The following SSUH2 variants were observed in gnomAD, a reference collection of about 807,000 sequenced individuals.
SSUH2 encodes the protein ssu-2 homolog.
SSUH2 carries 47 observed loss-of-function variants against 55.3 expected under a neutral mutation model. That is an observed-to-expected ratio of 0.85 (90% CI 0.67 to 1.08). SSUH2 has a LOEUF of 1.08. Among genes scored for constraint, SSUH2 ranks in the 50% least tolerant of loss-of-function variants. The probability of loss-of-function intolerance (pLI) is 0.00; values close to 1 mark genes in which losing one functional copy is unlikely to be tolerated. For synonymous variants in SSUH2, 212 were observed against 191.5 expected, an observed-to-expected ratio of 1.11 and a Z score of -0.89; for missense variants, 535 against 490.7, an observed-to-expected ratio of 1.09 and a Z score of -0.85.
chr3:8,672,097 C>G (rs982264097), intron 3 of SSUH2: 1 of 152,082 alleles, frequency 6.6e-6, no homozygotes, highest in African/African-American at 2.4e-5. Context: ...GGTGTAGTAT[C>G]GTCCTCTCCC....
chr3:8,668,827 A>C (rs919309185), intron 5 of SSUH2, among the ~76,000 whole-genome samples: 2 of 152,212 alleles, frequency 1.3e-5, no homozygotes, highest in African/African-American at 4.8e-5. Flanking sequence ...AAAAAAAAGA[A>C]ACAGTTCCAC....
At chr3:8,629,633 C>CTGACTAACCAGTGGTTCACAGA in intron 7 of SSUH2, 31 bp downstream of exon 7, 3 of 1,587,726 alleles carry the variant, frequency 1.9e-6, no homozygotes, top group Non-Finnish European at 2.6e-6. Context: ...CACACCCTCA[C>CTGACTAACCAGTGGTTCACAGA]TGACTCACCA....
chr3:8,681,082 A>AGG (rs200530792), intron 1 of SSUH2, among the ~76,000 whole-genome samples: 1 of 99,466 alleles, frequency 1.0e-5, no homozygotes, highest in Non-Finnish European at 2.4e-5. Context: ...CTTCCATAGC[A>AGG]GGGGGGAGAG....
intron 1 of SSUH2, among the ~76,000 whole-genome samples, chr3:8,641,227 C>T (rs1043627084): frequency 6.6e-6 from 1 of 152,252 alleles, no homozygotes; most frequent in African/African-American, 2.4e-5. Context: ...TCTTAAGAAT[C>T]CTTTGTAAAA....
rs58363364 is a variant in SSUH2 at position 8,619,504 on chromosome 3, T to C, written c.*364A>G. ...ACTCAGATCGTCAAGAGGCTCCCAC[T>C]AGAAGAAGCACACCAGAACCAAGAC... On this transcript the variant is annotated 3_prime_UTR_variant, in exon 12 of 12. Transcript: ENST00000544814. 0.01 allele frequency: 2,117 copies of C among 203,882 alleles called. 46 individuals are homozygous for C. Among genetic ancestry groups the C allele is most frequent in the African/African-American group, 0.046 (1,987 of 43,100 alleles). The allele number at this position is 203,882 out of a possible 1,614,324, so 12.6% of individuals were successfully genotyped here.
In SSUH2 at chr3:8,678,990, C is replaced by T. The variant is rs1374389741; in HGVS notation, c.-901+715G>A. Among the ~76,000 whole-genome samples, 345 of 101,270 alleles carry T rather than the reference C, an allele frequency of 3.4e-3. 8 individuals carry two copies. The highest frequency in any genetic ancestry group is 5.4e-3 in the Non-Finnish European group (231 of 42,678). The allele number at this position is 101,270 out of a possible 152,430, so 66.4% of individuals were successfully genotyped here. ...TCGCAGGGCGGAGAGTCACCCCCCG[C>T]GAGGTGGGGACTGAGAGCCAGCCCC... On this transcript the variant is annotated intron_variant, in intron 2 of 18. Transcript: ENST00000317371.
At chr3:8,645,538 G>C (rs1460686438), upstream of SSUH2, among the ~76,000 whole-genome samples, 1 of 152,168 alleles carries the variant, frequency 6.6e-6, no homozygotes, top group Non-Finnish European at 1.5e-5. Context: ...GAACTTGTGA[G>C]CTGGTCCCCG....
rs778989816 is a variant in SSUH2, at chr3:8,644,720, G to A, written c.28+11C>T. On this transcript the variant is annotated intron_variant, in intron 1 of 11. Coordinates refer to ENST00000544814, the MANE Select transcript of SSUH2 (RefSeq NM_001256748.3). Reference sequence around the variant, plus strand: ...CACAGTCTTCCGTGCCATCTTTGAGGCTCTACTTACTGTCATCTTCATTCA... The same window carrying A: ...CACAGTCTTCCGTGCCATCTTTGAGACTCTACTTACTGTCATCTTCATTCA... 5 of 1,535,548 alleles carry A rather than the reference G, an allele frequency of 3.3e-6. No individual in the cohort carries two copies. The highest frequency in any genetic ancestry group is 3.3e-4 in the Middle Eastern group (2 of 5,988).
chr3:8,638,569 C>A (rs571282151), intron 1 of SSUH2, among the ~76,000 whole-genome samples: 1 of 152,302 alleles, frequency 6.6e-6, no homozygotes, highest in Admixed American at 6.5e-5. Context: ...AGGCTCTCTG[C>A]ATGATGTGAC....
Position 8,619,845 on chromosome 3 carries a change from G to A in SSUH2, c.*23C>T. ...CTTCCTTGGCAAACGTGAATGGCAG[G>A]CTCTGGGGACAGCCATGCTATGTCA... is the stretch of plus-strand genomic sequence containing the variant. On this transcript the variant is annotated 3_prime_UTR_variant, in exon 12 of 12. Coordinates refer to ENST00000544814, the MANE Select transcript of SSUH2 (RefSeq NM_001256748.3). 1 of 1,610,004 alleles carries A rather than the reference G, an allele frequency of 6.2e-7. No individual in the cohort carries two copies. The highest frequency in any genetic ancestry group is 8.5e-7 in the Non-Finnish European group (1 of 1,178,028).
intron 6 of SSUH2, chr3:8,659,534 A>C: frequency 3.3e-6 from 1 of 303,350 alleles, no homozygotes; most frequent in South Asian, 3.0e-5. Flanking sequence ...ACCTCAGCAG[A>C]GGGGGCCTTT....
At chr3:8,656,003 T>C (rs1702899564) in intron 7 of SSUH2, among the ~76,000 whole-genome samples, 1 of 152,242 alleles carries the variant, frequency 6.6e-6, no homozygotes, top group East Asian at 1.9e-4. Context: ...AAGCCTGTGC[T>C]GCTATGAAAA....
intron 3 of SSUH2, chr3:8,634,340 C>G: frequency 7.9e-7 from 1 of 1,264,540 alleles, no homozygotes; most frequent in Non-Finnish European, 1.0e-6. Flanking sequence ...GGCCCTCTTT[C>G]TGCATGCCTC....
In SSUH2 at chr3:8,656,805, C is replaced by T. The variant is rs187938914; in HGVS notation, c.-307+2120G>A. Among the ~76,000 whole-genome samples the T allele has an allele frequency of 2.0e-5, 3 of 152,306 alleles. No homozygotes were observed. In the East Asian group the frequency reaches 5.8e-4, roughly 29 times the overall value. ...GGGATTTGAATGTGGGTTTTTCTGG[C>T]TCCCACGATGAGTCTGCCTCCTCTT... On this transcript the variant is annotated intron_variant, in intron 7 of 18. Transcript: ENST00000317371.
intron 2 of SSUH2, among the ~76,000 whole-genome samples, chr3:8,677,774 C>G (rs949489078): frequency 6.6e-6 from 1 of 150,632 alleles, no homozygotes; most frequent in African/African-American, 2.4e-5. Context: ...TTGGGCAAAA[C>G]CTGAACATAA....
exon 6 of SSUH2, chr3:8,663,753 G>C: frequency 2.2e-6 from 1 of 455,592 alleles, no homozygotes; most frequent in South Asian, 1.6e-5. Context: ...CCTTAACAAG[G>C]ATTTCCCAAC....
At chr3:8,661,587 C>G (rs1032846511) in intron 6 of SSUH2, among the ~76,000 whole-genome samples, 3 of 152,168 alleles carry the variant, frequency 2.0e-5, no homozygotes, top group Non-Finnish European at 2.9e-5. Context: ...GAGAGACTCC[C>G]GAATCCGAGA....
At chr3:8,623,096 T>G (rs1696774682) in intron 11 of SSUH2, among the ~76,000 whole-genome samples, 1 of 152,134 alleles carries the variant, frequency 6.6e-6, no homozygotes, top group Non-Finnish European at 1.5e-5. Flanking sequence ...ACCGCCACCT[T>G]GTGGCCATCA....
chr3:8,671,657 A>G (rs556647442), intron 4 of SSUH2, among the ~76,000 whole-genome samples: 14 of 152,286 alleles, frequency 9.2e-5, no homozygotes, highest in Non-Finnish European at 1.9e-4. Flanking sequence ...TTCCCCTACA[A>G]TATTACGAAT....
Sources: gnomAD v4.1 joint callset for allele counts (sites outside exome capture counted in the v4.1 genomes callset) on GRCh38, gnomAD v4.1.1 for gene constraint, MANE v1.5 for transcripts, NCBI Gene and HGNC (gene_info 2026-07-23, HGNC 2026-07-21) for gene names.